GRID2: variants seen among roughly 807,000 people sequenced by gnomAD.
GRID2 encodes glutamate receptor ionotropic, delta-2.
Under a neutral mutation model 114.8 loss-of-function variants are expected in GRID2, and 33 were observed. That is an observed-to-expected ratio of 0.29 (90% CI 0.22 to 0.38). The LOEUF (loss-of-function observed/expected upper bound fraction) is 0.38. GRID2 is among the 10% of genes least tolerant of loss of function. The pLI, the probability that GRID2 is intolerant of heterozygous loss-of-function variation, is 1.00. For synonymous variants in GRID2, 505 were observed against 449.9 expected (o/e 1.12, Z -1.55); for missense variants, 1,184 against 1,257.7 (o/e 0.94, Z 0.89).
intron 1 of GRID2, among the ~76,000 whole-genome samples, chr4:92,570,386 G>A (rs1161422654): frequency 6.6e-6 from 1 of 152,066 alleles, no homozygotes; most frequent in African/African-American, 2.4e-5. Flanking sequence ...AAGTGAGATA[G>A]CATGAAGCCT....
chr4:93,254,848 A>AG (rs1262614173), intron 8 of GRID2, among the ~76,000 whole-genome samples: 1 of 152,104 alleles, frequency 6.6e-6, no homozygotes, highest in Non-Finnish European at 1.5e-5. Flanking sequence ...CTTGGGACAA[A>AG]CAAAGTAATT....
At chr4:92,573,937 G>T (rs1457629024) in intron 1 of GRID2, among the ~76,000 whole-genome samples, 2 of 152,102 alleles carry the variant, frequency 1.3e-5, no homozygotes, top group Non-Finnish European at 2.9e-5. Flanking sequence ...CTTTGTAGAA[G>T]CCTAAGTCTC....
At chr4:92,351,449 C>A (rs916384194) in intron 1 of GRID2, among the ~76,000 whole-genome samples, 2 of 151,778 alleles carry the variant, frequency 1.3e-5, no homozygotes, top group Non-Finnish European at 2.9e-5. Context: ...GTATAATGAT[C>A]AGATCCAGGT....
At chr4:92,965,719 A>AAT (rs971164067) in intron 2 of GRID2, among the ~76,000 whole-genome samples, 4 of 151,852 alleles carry the variant, frequency 2.6e-5, no homozygotes, top group Non-Finnish European at 5.9e-5. Flanking sequence ...TGGAAGTCCA[A>AAT]ATATAGTATT....
chr4:92,590,246 G>T lies in GRID2; in HGVS notation c.204G>T (p.Thr68=). Residue 68 remains threonine, a synonymous_variant, in exon 2 of 16, where the codon ACG becomes ACT. Coordinates refer to ENST00000282020, the MANE Select transcript of GRID2 (RefSeq NM_001510.4). ...LQTEKITFSV[T]FVDGNNPFQA... is the part of the protein sequence containing the mutation. ...CTGAGAAAATCACATTTTCAGTGACGTTTGTTGATGGCAACAACCCTTTCC... is the reference window on the plus strand; with the variant it reads ...CTGAGAAAATCACATTTTCAGTGACTTTTGTTGATGGCAACAACCCTTTCC... 6.2e-7 allele frequency: 1 copy of T among 1,613,278 alleles called. No homozygotes were observed. The highest frequency in any genetic ancestry group is 8.5e-7 in the Non-Finnish European group (1 of 1,179,406).
chr4:93,786,995 A>C (rs2110355445), intron 1 of GRID2, among the ~76,000 whole-genome samples: 1 of 151,762 alleles, frequency 6.6e-6, no homozygotes, highest in South Asian at 2.1e-4. Context: ...GAGTGTGAAA[A>C]CTGTGCTTCA....
intron 1 of GRID2, among the ~76,000 whole-genome samples, chr4:92,565,670 G>C (rs985801818): frequency 2.6e-5 from 4 of 152,042 alleles, no homozygotes; most frequent in East Asian, 3.9e-4. Flanking sequence ...CAGCGGTACA[G>C]TTCCTGGCAT....
intron 8 of GRID2, among the ~76,000 whole-genome samples, chr4:93,296,792 G>C (rs1389785294): frequency 6.6e-6 from 1 of 152,114 alleles, no homozygotes; most frequent in Non-Finnish European, 1.5e-5. Context: ...TGACAATTTT[G>C]TTATTTTGTT....
At chr4:93,421,004 C>T (rs373201148) in intron 9 of GRID2, among the ~76,000 whole-genome samples, 8 of 152,174 alleles carry the variant, frequency 5.3e-5, no homozygotes, top group East Asian at 3.9e-4. Context: ...CCGCCCACTT[C>T]GGTCTCCCAA....
At chr4:92,540,129 T>C (rs1725853970) in intron 1 of GRID2, among the ~76,000 whole-genome samples, 2 of 152,142 alleles carry the variant, frequency 1.3e-5, no homozygotes, top group Admixed American at 1.3e-4. Context: ...TCTTTACACC[T>C]TATACAAAAA....
chr4:92,381,421 G>A (rs560631381), intron 1 of GRID2, among the ~76,000 whole-genome samples: 3 of 152,104 alleles, frequency 2.0e-5, no homozygotes, highest in Non-Finnish European at 4.4e-5. Context: ...ACTGAATGAT[G>A]ACAAATTTCT....
intron 2 of GRID2, among the ~76,000 whole-genome samples, chr4:92,983,144 T>C (rs1361123174): frequency 6.6e-6 from 1 of 152,052 alleles, no homozygotes; most frequent in East Asian, 1.9e-4. Context: ...TTAAATAAAG[T>C]GATTTGGCAC....
chr4:93,657,690 C>T (rs184451680), intron 14 of GRID2, among the ~76,000 whole-genome samples: 1 of 152,040 alleles, frequency 6.6e-6, no homozygotes, highest in East Asian at 1.9e-4. Flanking sequence ...TCTGCCCCAA[C>T]TTCAAAGAAC....
intron 2 of GRID2, among the ~76,000 whole-genome samples, chr4:92,945,587 G>T (rs1487143201): frequency 3.3e-5 from 5 of 152,158 alleles, no homozygotes; most frequent in African/African-American, 1.2e-4. Flanking sequence ...CTCTATTCCA[G>T]TGAACGAAGT....
At chr4:92,361,609 C>G (rs932613728) in intron 1 of GRID2, among the ~76,000 whole-genome samples, 1 of 151,920 alleles carries the variant, frequency 6.6e-6, no homozygotes, top group Non-Finnish European at 1.5e-5. Context: ...CTAACTCTAC[C>G]TGGACAATCT....
chr4:92,508,861 GA>G, intron 1 of GRID2, among the ~76,000 whole-genome samples: 1 of 151,998 alleles, frequency 6.6e-6, no homozygotes, highest in East Asian at 1.9e-4. Flanking sequence ...ATCCCCAGTT[GA>G]AATAACTGTG....
chr4:92,440,452 C>G (rs1376246711), intron 1 of GRID2, among the ~76,000 whole-genome samples: 3 of 152,072 alleles, frequency 2.0e-5, no homozygotes, highest in South Asian at 2.1e-4. Flanking sequence ...TTTCAGTTAT[C>G]TGACTCAGGG....
intron 2 of GRID2, among the ~76,000 whole-genome samples, chr4:92,774,000 T>G (rs551407832): frequency 1.6e-3 from 248 of 152,256 alleles, no homozygotes; most frequent in African/African-American, 5.8e-3. Context: ...ATTACCTTTT[T>G]GAATTTATAC....
intron 1 of GRID2, among the ~76,000 whole-genome samples, chr4:92,445,491 CA>C (rs2149073023): frequency 6.6e-6 from 1 of 152,254 alleles, no homozygotes. Context: ...ATGTTGTATA[CA>C]GCTGAAAGAG....
Sources: allele counts gnomAD v4.1 joint callset (sites outside exome capture counted in the v4.1 genomes callset), GRCh38; gene constraint gnomAD v4.1.1; transcripts MANE v1.5; gene names NCBI Gene and HGNC (gene_info 2026-07-23, HGNC 2026-07-21).